ATP2C2: variants seen among roughly 807,000 people sequenced by gnomAD.
ATP2C2 encodes the protein ATPase secretory pathway Ca2+ transporting 2, also known as calcium-transporting ATPase type 2C member 2.
Under a neutral mutation model 110.8 loss-of-function variants are expected in ATP2C2, and 171 were observed. The observed-to-expected ratio is 1.54, with a 90% CI of 1.36 to 1.75. The LOEUF is 1.75. ATP2C2 is among the 40% of genes most tolerant of loss of function. ATP2C2 has a pLI of 0.00. For missense variants in ATP2C2, 1,963 were observed against 1,235.0 expected (o/e 1.59, Z -8.84); for synonymous variants, 804 against 508.4 (o/e 1.58, Z -7.82).
At chr16:84,455,405 G>A (rs1262781415) in intron 21 of ATP2C2, among the ~76,000 whole-genome samples, 4 of 152,166 alleles carry the variant, frequency 2.6e-5, no homozygotes, top group African/African-American at 9.7e-5. Flanking sequence ...TCTTCCGTTT[G>A]AGGCCTGCGT....
In ATP2C2 at chr16:84,405,130, G is replaced by A; in HGVS notation, c.213G>A (p.Val71=). The A allele has an allele frequency of 6.2e-7, 1 of 1,613,332 alleles. No individual in the cohort carries two copies. The highest frequency in any genetic ancestry group is 8.5e-7 in the Non-Finnish European group (1 of 1,179,574). ...TTGTGCCTGACCTCTCCTTCCAGGT[G>A]GACTTACACACTGGGCTGTCGGAGT... ...QKEDLARAFC[V]DLHTGLSEFS... The change falls in exon 3 of 27, where the codon GTG becomes GTA. Residue 71 remains valine, a splice_region_variant and synonymous_variant. Coordinates refer to ENST00000262429, the MANE Select transcript of ATP2C2 (RefSeq NM_014861.4).
intron 3 of ATP2C2, among the ~76,000 whole-genome samples, chr16:84,405,746 C>G (rs1452104109): frequency 6.6e-6 from 1 of 152,106 alleles, no homozygotes; most frequent in East Asian, 1.9e-4. Context: ...ATGGCGAAAC[C>G]CCGTCTCTTC....
At chr16:84,439,349 C>A in intron 12 of ATP2C2, 59 bp downstream of exon 12, 1 of 1,613,184 alleles carries the variant, frequency 6.2e-7, no homozygotes, top group South Asian at 1.1e-5. Flanking sequence ...GCTTGGCTGT[C>A]AGGGCAATCC....
chr16:84,459,469 G>C (rs763991582), intron 23 of ATP2C2, 83 bp downstream of exon 23: 2 of 1,602,998 alleles, frequency 1.2e-6, no homozygotes, highest in African/African-American at 1.3e-5. Flanking sequence ...GTGCCCCAAG[G>C]CTATAGGGAT....
chr16:84,370,677 T>C (rs1597720915), intron 1 of ATP2C2, among the ~76,000 whole-genome samples: 1 of 147,660 alleles, frequency 6.8e-6, no homozygotes, highest in African/African-American at 2.5e-5. Flanking sequence ...GGAATTGTCT[T>C]TTTTTTTTTT....
In ATP2C2 at chr16:84,442,539, CAGAA is replaced by C. The variant is rs1909362416; in HGVS notation, c.1346_1349del (p.Lys449ThrfsTer3). On this transcript the variant is annotated frameshift_variant, in exon 15 of 27. Coordinates refer to ENST00000262429, the MANE Select transcript of ATP2C2 (RefSeq NM_014861.4). LOFTEE classifies it high-confidence loss of function. ...GCTGTGTTGCCAACAATGCGGTCAT[CAGAA>C]AGAACGCCGTGATGGGGCAGCCCAC... The C allele has an allele frequency of 6.2e-7, 1 of 1,613,968 alleles. No individual in the cohort carries two copies. Among genetic ancestry groups the C allele is most frequent in the East Asian group, 2.2e-5 (1 of 44,892 alleles).
At chr16:84,381,871 A>C (rs2151400711) in intron 1 of ATP2C2, among the ~76,000 whole-genome samples, 1 of 152,344 alleles carries the variant, frequency 6.6e-6, no homozygotes, top group Non-Finnish European at 1.5e-5. Flanking sequence ...GAGGCTTAGA[A>C]AATGAAGTAA....
rs377090539 is a variant in ATP2C2, at chr16:84,410,551, C to T, written c.418-17C>T. On this transcript the variant is annotated splice_polypyrimidine_tract_variant and intron_variant, in intron 4 of 26. Transcript: ENST00000262429. ...CTGAGCCTCTGGTACTGACACCCTCCTCCGTTTGCTGTCTAGGCAGTGCTT... is the reference window on the plus strand; with the variant it reads ...CTGAGCCTCTGGTACTGACACCCTCTTCCGTTTGCTGTCTAGGCAGTGCTT... The T allele has an allele frequency of 3.7e-5, 59 of 1,613,498 alleles. No individual in the cohort carries two copies. The highest frequency in any genetic ancestry group is 4.8e-5 in the Non-Finnish European group (57 of 1,179,818).
rs1387645000 is a variant in ATP2C2, at chr16:84,442,596, G to A, written c.1398G>A (p.Met466Ile). The A allele has an allele frequency of 6.2e-7, 1 of 1,613,802 alleles. No individual in the cohort carries two copies. Among genetic ancestry groups the A allele is most frequent in the Non-Finnish European group, 8.5e-7 (1 of 1,179,888 alleles). Residue 466 changes from methionine (M) to isoleucine (I), a missense_variant, in exon 15 of 27, where the codon ATG becomes ATA. Transcript: ENST00000262429. ...AGGGTGCATTGATGGCCCTGGCGAT[G>A]AAGGTAGGAGGTCCTGGGGTGGCTC... Reference protein sequence around the residue: ...PTEGALMALAMKMDLSDIKNS... With the variant: ...PTEGALMALAIKMDLSDIKNS...
intron 1 of ATP2C2, among the ~76,000 whole-genome samples, chr16:84,383,536 T>C (rs1394425186): frequency 6.6e-6 from 1 of 152,222 alleles, no homozygotes; most frequent in Non-Finnish European, 1.5e-5. Context: ...GAATCATTTC[T>C]TCATTTATTG....
At chr16:84,377,037 G>A (rs1050017672) in intron 1 of ATP2C2, among the ~76,000 whole-genome samples, 10 of 152,184 alleles carry the variant, frequency 6.6e-5, no homozygotes, top group African/African-American at 1.9e-4. Flanking sequence ...TGGTCTCTAA[G>A]GCATCTCACA....
intron 1 of ATP2C2, among the ~76,000 whole-genome samples, chr16:84,391,158 G>A (rs1245351596): frequency 6.6e-6 from 1 of 150,656 alleles, no homozygotes; most frequent in African/African-American, 2.4e-5. Flanking sequence ...GGAAGGTTTG[G>A]TTCTGCCTAA....
intron 1 of ATP2C2, among the ~76,000 whole-genome samples, chr16:84,378,441 T>G (rs76889666): frequency 0.017 from 2,558 of 152,324 alleles, 34 homozygotes; most frequent in Non-Finnish European, 0.025. Flanking sequence ...CCCTTCTGAC[T>G]GCTAGATTCC....
intron 1 of ATP2C2, 109 bp downstream of exon 1, chr16:84,368,823 C>G: frequency 1.1e-6 from 1 of 912,762 alleles, no homozygotes; most frequent in Non-Finnish European, 1.6e-6. Context: ...CGCGAACTCG[C>G]CCTCCTCCCC....
At position 84,425,775 on chromosome 16, in the gene ATP2C2, C is replaced by A. The variant is rs766356684; in HGVS notation, c.960C>A (p.Leu320=). 1.9e-6 allele frequency: 3 copies of A among 1,614,132 alleles called. No individual in the cohort carries two copies. In the South Asian group the frequency reaches 3.3e-5, roughly 18 times the overall value. The change falls in exon 11 of 27, where the codon CTC becomes CTA. Residue 320 remains leucine, a synonymous_variant. Coordinates refer to ENST00000262429, the MANE Select transcript of ATP2C2 (RefSeq NM_014861.4). ...TTGGCTGGTCGCAAGGGAAACAACT[C>A]CTGAGTATGTTCACGATCGGGGTCA... is the stretch of plus-strand genomic sequence containing the variant. ...MLIGWSQGKQ[L]LSMFTIGVSL... is the part of the protein sequence containing the mutation.
intron 3 of ATP2C2, among the ~76,000 whole-genome samples, chr16:84,406,275 G>C (rs2150520961): frequency 6.6e-6 from 1 of 152,354 alleles, no homozygotes; most frequent in South Asian, 2.1e-4. Flanking sequence ...TTCCATTCTA[G>C]AAGTCGGCAG....
chr16:84,378,214 T>C (rs933365203), intron 1 of ATP2C2, among the ~76,000 whole-genome samples: 1 of 152,194 alleles, frequency 6.6e-6, no homozygotes, highest in Non-Finnish European at 1.5e-5. Flanking sequence ...TCCCTGTCTT[T>C]GCCTCTCCAG....
Position 84,448,586 on chromosome 16 carries a change from C to G in ATP2C2, c.1557C>G (p.Tyr519Ter), listed in dbSNP as rs759070489. ...MKGALEEVIR[Y>*]CTMYNNGGIP... ...GGGCCTTGGAAGAGGTGATCCGCTACTGCACCATGTACAACAACGGGGGCA... is the reference window on the plus strand; with the variant it reads ...GGGCCTTGGAAGAGGTGATCCGCTAGTGCACCATGTACAACAACGGGGGCA... Residue 519 changes from tyrosine (Y) to a stop codon, truncating the protein, a stop_gained, in exon 17 of 27, where the codon TAC becomes TAG. Transcript: ENST00000262429. LOFTEE classifies it high-confidence loss of function. 1 of 1,614,106 alleles carries G rather than the reference C, an allele frequency of 6.2e-7. No individual in the cohort carries two copies. The highest frequency in any genetic ancestry group is 2.2e-5 in the East Asian group (1 of 44,878).
chr16:84,396,108 T>C (rs2151413757), intron 1 of ATP2C2, among the ~76,000 whole-genome samples: 1 of 152,260 alleles, frequency 6.6e-6, no homozygotes, highest in Non-Finnish European at 1.5e-5. Flanking sequence ...AGGCATAACA[T>C]CTTCAAGGTT....
Sources: allele counts gnomAD v4.1 joint callset (sites outside exome capture counted in the v4.1 genomes callset), GRCh38; gene constraint gnomAD v4.1.1; transcripts MANE v1.5; gene names NCBI Gene and HGNC (gene_info 2026-07-23, HGNC 2026-07-21).